CDH10: variants seen among roughly 807,000 people sequenced by gnomAD.
The protein encoded by CDH10 is cadherin-10.
A neutral mutation model predicts 73.1 loss-of-function variants in CDH10; 30 were observed. The ratio of observed to expected loss-of-function variants is 0.41; its 90% CI spans 0.31 to 0.56. The LOEUF (loss-of-function observed/expected upper bound fraction) is 0.56. CDH10 is among the 20% of genes least tolerant of loss of function. The pLI is 0.27. For missense variants in CDH10, 815 were observed against 973.7 expected, an observed-to-expected ratio of 0.84 and a Z score of 2.17; for synonymous variants, 345 against 348.2, an observed-to-expected ratio of 0.99 and a Z score of 0.10.
At chr5:24,506,973 A>T (rs1272283608) in intron 7 of CDH10, among the ~76,000 whole-genome samples, 2 of 152,192 alleles carry the variant, frequency 1.3e-5, no homozygotes, top group African/African-American at 4.8e-5. Context: ...CAGAGATCAC[A>T]GCTCTTTTTC....
intron 2 of CDH10, among the ~76,000 whole-genome samples, chr5:24,576,915 G>A (rs1218842759): frequency 6.6e-6 from 1 of 151,820 alleles, no homozygotes; most frequent in Non-Finnish European, 1.5e-5. Context: ...ATCTGTCCAT[G>A]CCATGATATG....
intron 2 of CDH10, among the ~76,000 whole-genome samples, chr5:24,550,684 T>C (rs1744511555): frequency 6.6e-6 from 1 of 152,160 alleles, no homozygotes; most frequent in Non-Finnish European, 1.5e-5. Flanking sequence ...CTTAACAGAA[T>C]GCATCATTTC....
intron 2 of CDH10, among the ~76,000 whole-genome samples, chr5:24,590,998 T>C (rs1746182805): frequency 6.6e-6 from 1 of 152,080 alleles, no homozygotes; most frequent in South Asian, 2.1e-4. Flanking sequence ...ATAAATTCCT[T>C]ATAAATAATG....
rs138753821 is a variant in CDH10, at chr5:24,622,309, A to G, written c.-124+22285T>C. Among the ~76,000 whole-genome samples the G allele has an allele frequency of 9.2e-5, 14 of 152,306 alleles. No individual in the cohort carries two copies. The East Asian group carries it at 2.7e-3, about 29-fold the overall frequency. ...AATGTTATGGGAAAGAGTATGCATG[A>G]TAAATCAAGAATATATCTGATCGCA... is the stretch of plus-strand genomic sequence containing the variant. On this transcript the variant is annotated intron_variant, in intron 1 of 11. Coordinates refer to ENST00000264463, the MANE Select transcript of CDH10 (RefSeq NM_006727.5).
intron 10 of CDH10, among the ~76,000 whole-genome samples, chr5:24,492,420 CT>C (rs1190450839): frequency 2.0e-5 from 3 of 152,156 alleles, no homozygotes; most frequent in Non-Finnish European, 4.4e-5. Flanking sequence ...ACTTCTCATT[CT>C]TTTCATTTCC....
chr5:24,548,054 A>G (rs1185433733), intron 2 of CDH10, among the ~76,000 whole-genome samples: 1 of 152,166 alleles, frequency 6.6e-6, no homozygotes, highest in African/African-American at 2.4e-5. Context: ...AAATTCATGT[A>G]AGCGTTGATA....
intron 2 of CDH10, among the ~76,000 whole-genome samples, chr5:24,552,595 A>G (rs1744587331): frequency 6.6e-6 from 1 of 151,850 alleles, no homozygotes; most frequent in South Asian, 2.1e-4. Context: ...GTCAATGCAG[A>G]TTTCCTTGTT....
intron 5 of CDH10, among the ~76,000 whole-genome samples, chr5:24,523,589 T>G (rs2111826460): frequency 6.6e-6 from 1 of 152,290 alleles, no homozygotes; most frequent in African/African-American, 2.4e-5. Flanking sequence ...CTCAAACATT[T>G]TATTTTTAGT....
chr5:24,558,185 T>C (rs1744830459), intron 2 of CDH10, among the ~76,000 whole-genome samples: 1 of 115,900 alleles, frequency 8.6e-6, no homozygotes, highest in Non-Finnish European at 1.8e-5. Context: ...TAAATAATGT[T>C]GAGAATTATT....
At chr5:24,514,502 C>T (rs1016050735) in intron 5 of CDH10, among the ~76,000 whole-genome samples, 1 of 152,098 alleles carries the variant, frequency 6.6e-6, no homozygotes, top group Non-Finnish European at 1.5e-5. Context: ...GATTCTACCA[C>T]AGCACATCAT....
intron 1 of CDH10, among the ~76,000 whole-genome samples, chr5:24,627,935 T>C (rs1747567153): frequency 6.6e-6 from 1 of 152,092 alleles, no homozygotes; most frequent in African/African-American, 2.4e-5. Flanking sequence ...ACTCATGAAG[T>C]TGATATTGTC....
intron 1 of CDH10, among the ~76,000 whole-genome samples, chr5:24,621,779 A>C (rs936922404): frequency 6.6e-6 from 1 of 152,200 alleles, no homozygotes; most frequent in African/African-American, 2.4e-5. Flanking sequence ...ATTTATATGC[A>C]CACATATAAT....
chr5:24,582,174 G>C (rs10942062), intron 2 of CDH10, among the ~76,000 whole-genome samples: 58,384 of 151,972 alleles, frequency 0.38, 13,635 homozygotes, highest in East Asian at 0.54. Flanking sequence ...TGGTAACAGT[G>C]AAAACTAGGG....
At chr5:24,536,823 C>T (rs1004974768) in intron 3 of CDH10, among the ~76,000 whole-genome samples, 9 of 151,088 alleles carry the variant, frequency 6.0e-5, no homozygotes, top group African/African-American at 9.7e-5. Flanking sequence ...TGGTTTTTTT[C>T]GAAAATAAGA....
At chr5:24,627,299 AAC>A (rs1016052381) in intron 1 of CDH10, among the ~76,000 whole-genome samples, 4 of 152,164 alleles carry the variant, frequency 2.6e-5, no homozygotes, top group Admixed American at 1.3e-4. Context: ...AATAAAATAA[AAC>A]AGTGTTTAAA....
At chr5:24,578,897 G>A (rs1018106974) in intron 2 of CDH10, among the ~76,000 whole-genome samples, 4 of 151,726 alleles carry the variant, frequency 2.6e-5, no homozygotes, top group African/African-American at 9.7e-5. Flanking sequence ...ATTTTACAGG[G>A]AAATATCTTG....
intron 2 of CDH10, among the ~76,000 whole-genome samples, chr5:24,584,475 T>TGTGTGAGAGA (rs775491066): frequency 7.7e-4 from 61 of 79,732 alleles, no homozygotes; most frequent in Non-Finnish European, 1.4e-3. Context: ...TGTGTGTGTG[T>TGTGTGAGAGA]GAGAGAGAGA....
intron 8 of CDH10, among the ~76,000 whole-genome samples, chr5:24,500,873 T>G (rs1202241040): frequency 6.6e-6 from 1 of 152,100 alleles, no homozygotes; most frequent in Non-Finnish European, 1.5e-5. Flanking sequence ...TTTCTACCAT[T>G]CAAGTGAGTC....
chr5:24,622,942 C>T (rs962761682), intron 1 of CDH10, among the ~76,000 whole-genome samples: 3 of 152,072 alleles, frequency 2.0e-5, no homozygotes, highest in African/African-American at 4.8e-5. Context: ...GACCACATAA[C>T]GTGATGTGAC....
Sources: allele counts gnomAD v4.1 joint callset (sites outside exome capture counted in the v4.1 genomes callset), GRCh38; gene constraint gnomAD v4.1.1; transcripts MANE v1.5; gene names NCBI Gene and HGNC (gene_info 2026-07-23, HGNC 2026-07-21).